The following PCDHGA12 variants were observed in gnomAD, a reference collection of about 807,000 sequenced individuals.
The protein encoded by PCDHGA12 is protocadherin gamma-A12.
In PCDHGA12, 43 loss-of-function variants were observed where a neutral mutation model predicts 61.1. The observed-to-expected ratio is 0.70, with a 90% CI of 0.55 to 0.91. PCDHGA12 has a LOEUF of 0.91. Among genes scored for constraint, PCDHGA12 ranks in the 40% least tolerant of loss-of-function variants. PCDHGA12 has a pLI of 0.00. For missense variants in PCDHGA12, 1,236 were observed against 1,227.7 expected, an observed-to-expected ratio of 1.01 and a Z score of -0.10; for synonymous variants, 520 against 542.9, an observed-to-expected ratio of 0.96 and a Z score of 0.59.
At chr5:141,478,339 C>A in intron 1 of PCDHGA12, 1 of 1,613,918 alleles carries the variant, frequency 6.2e-7, no homozygotes, top group Admixed American at 1.7e-5. Flanking sequence ...CAGGGCCCTC[C>A]TTGCACGCGG....
At position 141,470,736 on chromosome 5, in the gene PCDHGA12, C is replaced by T. The variant is rs541510544; in HGVS notation, c.2425-24071C>T. ...TTTTTGAGTCAGGGTCTTGCTCTGT[C>T]GCCCTGGCTGGAGTGCAGTGGACTC... On this transcript the variant is annotated intron_variant, in intron 1 of 3. Coordinates refer to ENST00000252085, the MANE Select transcript of PCDHGA12 (RefSeq NM_003735.3). Among the ~76,000 whole-genome samples, 104 of 152,208 alleles carry T rather than the reference C, an allele frequency of 6.8e-4. 2 individuals carry two copies. Among genetic ancestry groups the T allele is most frequent in the African/African-American group, 2.4e-3 (98 of 41,522 alleles).
intron 1 of PCDHGA12, among the ~76,000 whole-genome samples, chr5:141,471,035 G>A (rs2099247157): frequency 7.1e-6 from 1 of 141,386 alleles, no homozygotes; most frequent in Admixed American, 7.1e-5. Flanking sequence ...TTATTAACAA[G>A]CCCAAGCCCT....
intron 2 of PCDHGA12, among the ~76,000 whole-genome samples, chr5:141,498,404 C>T (rs1283586713): frequency 6.6e-6 from 1 of 152,104 alleles, no homozygotes; most frequent in African/African-American, 2.4e-5. Context: ...AGGGAGTTTT[C>T]TCTTTGCTGG....
At chr5:141,463,847 G>T (rs922334975) in intron 1 of PCDHGA12, among the ~76,000 whole-genome samples, 9 of 152,158 alleles carry the variant, frequency 5.9e-5, no homozygotes, top group African/African-American at 2.2e-4. Context: ...TGTTATAGTG[G>T]TATATCTGGT....
At chr5:141,497,500 T>G (rs1468175808) in intron 2 of PCDHGA12, among the ~76,000 whole-genome samples, 2 of 151,562 alleles carry the variant, frequency 1.3e-5, no homozygotes, top group Non-Finnish European at 2.9e-5. Context: ...CTCTCTCCTC[T>G]CTCTGCTTCC....
chr5:141,475,080 C>T (rs963278755), intron 1 of PCDHGA12, among the ~76,000 whole-genome samples: 3 of 152,128 alleles, frequency 2.0e-5, no homozygotes, highest in South Asian at 4.1e-4. Flanking sequence ...GCCATTATTT[C>T]AATAATTTTA....
intron 1 of PCDHGA12, among the ~76,000 whole-genome samples, chr5:141,484,202 T>C (rs2099593138): frequency 6.6e-6 from 1 of 152,214 alleles, no homozygotes; most frequent in Non-Finnish European, 1.5e-5. Context: ...ATTAAATCTA[T>C]GAACATTAGC....
At chr5:141,466,654 C>A (rs985749176) in intron 1 of PCDHGA12, among the ~76,000 whole-genome samples, 12 of 152,178 alleles carry the variant, frequency 7.9e-5, no homozygotes, top group African/African-American at 2.9e-4. Flanking sequence ...TTTCACAAAA[C>A]ATCAGTGATT....
At position 141,489,062 on chromosome 5, in the gene PCDHGA12, C is replaced by G. The variant is rs1466124551; in HGVS notation, c.2425-5745C>G. Reference sequence around the variant, plus strand: ...GCTCCACTCAAATTCAGCTCCCCTCCCCCCTGCCCACCCCCGCCACTCGGT... The same window carrying G: ...GCTCCACTCAAATTCAGCTCCCCTCGCCCCTGCCCACCCCCGCCACTCGGT... On this transcript the variant is annotated intron_variant, in intron 1 of 3. Transcript: ENST00000252085. This position sits in a 1 kb window ranked among gnomAD's most constrained non-coding sequence, Gnocchi z 4.5. 5.3e-6 allele frequency: 2 copies of G among 378,914 alleles called. No homozygotes were observed. Among genetic ancestry groups the G allele is most frequent in the Non-Finnish European group, 9.5e-6 (2 of 209,830 alleles). 23.5% of individuals were successfully genotyped at this position (378,914 alleles called of 1,614,324 possible).
At chr5:141,488,855 C>T (rs1441666819) in intron 1 of PCDHGA12, among the ~76,000 whole-genome samples, 2 of 152,190 alleles carry the variant, frequency 1.3e-5, no homozygotes, top group Non-Finnish European at 1.5e-5. Context: ...ACCTGCAGCA[C>T]GAAGTGAGTG....
chr5:141,490,363 C>A lies in PCDHGA12; in HGVS notation c.2425-4444C>A. The A allele has an allele frequency of 6.2e-7, 1 of 1,614,154 alleles. No individual in the cohort carries two copies. Among genetic ancestry groups the A allele is most frequent in the South Asian group, 1.1e-5 (1 of 91,078 alleles). On this transcript the variant is annotated intron_variant, in intron 1 of 3. Coordinates refer to ENST00000252085, the MANE Select transcript of PCDHGA12 (RefSeq NM_003735.3). The surrounding 1 kb of genome is among the most constrained non-coding windows in gnomAD (Gnocchi z 5.4). Reference sequence around the variant, plus strand: ...CACAGTAGTGGGGTTGTTTAATGTGCGAGACCGGGACTCAGGTAGAAATGG... The same window carrying A: ...CACAGTAGTGGGGTTGTTTAATGTGAGAGACCGGGACTCAGGTAGAAATGG...
chr5:141,490,906 G>A lies in PCDHGA12; in HGVS notation c.2425-3901G>A, dbSNP rs2099705910. 1 of 1,613,798 alleles carries A rather than the reference G, an allele frequency of 6.2e-7. No individual in the cohort carries two copies. Among genetic ancestry groups the A allele is most frequent in the Non-Finnish European group, 8.5e-7 (1 of 1,179,808 alleles). ...CACATCTCTGCATGTGTTTGTCCTA[G>A]ACGAGAATGATAATGCCCCAGCTGT... On this transcript the variant is annotated intron_variant, in intron 1 of 3. Coordinates refer to ENST00000252085, the MANE Select transcript of PCDHGA12 (RefSeq NM_003735.3). The surrounding 1 kb of genome is among the most constrained non-coding windows in gnomAD (Gnocchi z 5.4).
intron 1 of PCDHGA12, among the ~76,000 whole-genome samples, chr5:141,435,357 T>C (rs749223776): frequency 6.6e-6 from 1 of 152,208 alleles, no homozygotes; most frequent in Non-Finnish European, 1.5e-5. Flanking sequence ...CATTTAAAAT[T>C]TTATCACTTA....
In PCDHGA12 at chr5:141,485,513, T is replaced by C. The variant is rs751762068; in HGVS notation, c.2425-9294T>C. The C allele has an allele frequency of 4.3e-6, 7 of 1,613,938 alleles. No homozygotes were observed. The highest frequency in any genetic ancestry group is 2.2e-5 in the East Asian group (1 of 44,890). On this transcript the variant is annotated intron_variant, in intron 1 of 3. Coordinates refer to ENST00000252085, the MANE Select transcript of PCDHGA12 (RefSeq NM_003735.3). The surrounding 1 kb of genome is among the most constrained non-coding windows in gnomAD (Gnocchi z 5.7). ...CCTGGAGTTTGTCACCGAAGGTCCTTTGGAAATGTACCGAGCAGAGGTAGA... is the reference window on the plus strand; with the variant it reads ...CCTGGAGTTTGTCACCGAAGGTCCTCTGGAAATGTACCGAGCAGAGGTAGA...
chr5:141,477,059 A>G lies in PCDHGA12; in HGVS notation c.2425-17748A>G. On this transcript the variant is annotated intron_variant, in intron 1 of 3. Coordinates refer to ENST00000252085, the MANE Select transcript of PCDHGA12 (RefSeq NM_003735.3). This position sits in a 1 kb window ranked among gnomAD's most constrained non-coding sequence, Gnocchi z 4.9. ...CAAGGGTCGGCTGGACTTCGAGGAC[A>G]CCAAACTCCATGAGATTTACATCCA... The G allele has an allele frequency of 1.2e-6, 2 of 1,614,238 alleles. No individual in the cohort carries two copies. Among genetic ancestry groups the G allele is most frequent in the Non-Finnish European group, 1.7e-6 (2 of 1,180,036 alleles).
At position 141,511,032 on chromosome 5, in the gene PCDHGA12, G is replaced by T. The variant is rs779589499; in HGVS notation, c.2658G>T (p.Gln886His). 6.2e-7 allele frequency: 1 copy of T among 1,614,228 alleles called. No individual in the cohort carries two copies. Among genetic ancestry groups the T allele is most frequent in the South Asian group, 1.1e-5 (1 of 91,090 alleles). ...GCTACGGACCCCAGTTCACCCTGCAGCACGTGCCCGACTACCGCCAGAATG... is the reference window on the plus strand; with the variant it reads ...GCTACGGACCCCAGTTCACCCTGCATCACGTGCCCGACTACCGCCAGAATG... ...SARYGPQFTLQHVPDYRQNVY... is the reference protein window; with the variant it reads ...SARYGPQFTLHHVPDYRQNVY... Residue 886 changes from glutamine (Q) to histidine (H), a missense_variant, in exon 4 of 4, where the codon CAG (glutamine) becomes CAT (histidine). Gln to His is a conservative substitution (Grantham distance 24, BLOSUM62 0). Coordinates refer to ENST00000252085, the MANE Select transcript of PCDHGA12 (RefSeq NM_003735.3).
At chr5:141,448,069 T>C (rs1184496754) in intron 1 of PCDHGA12, among the ~76,000 whole-genome samples, 1 of 151,202 alleles carries the variant, frequency 6.6e-6, no homozygotes, top group Non-Finnish European at 1.5e-5. Context: ...CTGGGCAACA[T>C]GAACGAAATG....
At chr5:141,505,260 C>T in intron 2 of PCDHGA12, 133 bp from the exon 3 acceptor site, 2 of 1,502,832 alleles carry the variant, frequency 1.3e-6, no homozygotes, top group South Asian at 1.3e-5. Context: ...TGCCTCCTAC[C>T]TTGCTGAGAG....
In PCDHGA12 at chr5:141,512,903, C is replaced by G. The variant is rs2099884492; in HGVS notation, c.*1730C>G. On this transcript the variant is annotated 3_prime_UTR_variant, in exon 4 of 4. Coordinates refer to ENST00000252085, the MANE Select transcript of PCDHGA12 (RefSeq NM_003735.3). ...CCCCACCCTCTTCCTGTGTCTCACG[C>G]AAGTTTTATACTCTAATATTTATAT... 6.6e-6 allele frequency: 1 copy of G among 152,224 alleles called. No homozygotes were observed. Among genetic ancestry groups the G allele is most frequent in the African/African-American group, 2.4e-5 (1 of 41,452 alleles). 9.4% of individuals were successfully genotyped at this position (152,224 alleles called of 1,614,324 possible).
Sources: gnomAD v4.1 joint callset for allele counts (sites outside exome capture counted in the v4.1 genomes callset) on GRCh38, gnomAD v4.1.1 for gene constraint, Gnocchi (gnomAD v3.1) non-coding constraint, MANE v1.5 for transcripts, NCBI Gene and HGNC (gene_info 2026-07-23, HGNC 2026-07-21) for gene names.